Variants in SNX31 observed in about 807,000 individuals in gnomAD.
SNX31 encodes sorting nexin-31.
A neutral mutation model predicts 65.4 loss-of-function variants in SNX31; 58 were observed. That is an observed-to-expected ratio of 0.89 (90% CI 0.72 to 1.10). SNX31 has a LOEUF of 1.10. Among genes scored for constraint, SNX31 ranks in the 50% least tolerant of loss-of-function variants. The pLI is 0.00. For synonymous variants in SNX31, 181 were observed against 190.1 expected (o/e 0.95, Z 0.39); for missense variants, 523 against 529.7 (o/e 0.99, Z 0.12).
At chr8:100,621,982 A>C (rs1817730761) in intron 4 of SNX31, among the ~76,000 whole-genome samples, 2 of 152,252 alleles carry the variant, frequency 1.3e-5, no homozygotes, top group South Asian at 4.1e-4. Context: ...TGTAGAGAAG[A>C]GCAGGGTTTG....
chr8:100,618,525 G>T lies in SNX31; in HGVS notation c.322-795C>A, dbSNP rs768028482. ...TTGGAGTTGGCATCAGATCCCTCAC[G>T]TTTAAGGGCTCAGCTCCACAAGACT... On this transcript the variant is annotated intron_variant, in intron 4 of 13. Coordinates refer to ENST00000311812, the MANE Select transcript of SNX31 (RefSeq NM_152628.4). 7 of 600,218 alleles carry T rather than the reference G, an allele frequency of 1.2e-5. No homozygotes were observed. In the East Asian group the frequency reaches 2.0e-4, roughly 17 times the overall value. The allele number at this position is 600,218 out of a possible 1,614,324, so 37.2% of individuals were successfully genotyped here. A position where few individuals can be genotyped will look rare whatever the true frequency, so the allele number is the denominator to read the frequency against.
chr8:100,574,359 C>T (rs913062800), intron 13 of SNX31, among the ~76,000 whole-genome samples: 4 of 152,220 alleles, frequency 2.6e-5, no homozygotes, highest in Admixed American at 6.5e-5. Flanking sequence ...GGCGGCCAGG[C>T]GCAGTGGCTC....
chr8:100,616,351 C>T (rs1229197796), intron 5 of SNX31, among the ~76,000 whole-genome samples: 3 of 152,126 alleles, frequency 2.0e-5, no homozygotes, highest in Non-Finnish European at 2.9e-5. Context: ...GGCAGGTGCT[C>T]TCTCCTGTTC....
At chr8:100,641,860 C>CCT (rs1480012774) in intron 2 of SNX31, among the ~76,000 whole-genome samples, 21 of 150,416 alleles carry the variant, frequency 1.4e-4, no homozygotes, top group African/African-American at 4.9e-4. Flanking sequence ...GGGCGGATCA[C>CCT]GAGGTCAGGA....
chr8:100,636,080 T>C (rs2155881), intron 2 of SNX31, 69 bp from the exon 3 acceptor site: 365,410 of 1,136,936 alleles, frequency 0.32, 63,367 homozygotes, highest in African/African-American at 0.6. Flanking sequence ...ATTACTAAAG[T>C]CTCCTTTAGG....
At position 100,625,904 on chromosome 8, in the gene SNX31, G is replaced by C. The variant is rs16898652; in HGVS notation, c.321+4423C>G. Reference sequence around the variant, plus strand: ...TCTCAGCATGGCTGGGGAAAGAAAAGGGACTGGCATTAAGATTTTGCTTTT... The same window carrying C: ...TCTCAGCATGGCTGGGGAAAGAAAACGGACTGGCATTAAGATTTTGCTTTT... On this transcript the variant is annotated intron_variant, in intron 4 of 13. Transcript: ENST00000311812. This position sits in a 1 kb window ranked among gnomAD's most constrained non-coding sequence, Gnocchi z 4.2. Among the ~76,000 whole-genome samples, 19,763 of 152,150 alleles carry C rather than the reference G, an allele frequency of 0.13. 1,436 individuals are homozygous for C. Among genetic ancestry groups the C allele is most frequent in the South Asian group, 0.19 (909 of 4,814 alleles).
At position 100,629,645 on chromosome 8, in the gene SNX31, C is replaced by A. The variant is rs965905051; in HGVS notation, c.321+682G>T. ...CCAGTTAACTAGTATCATATTACTG[C>A]GGAACTTAAATTCTTTCAGAGCTTT... On this transcript the variant is annotated intron_variant, in intron 4 of 13. Coordinates refer to ENST00000311812, the MANE Select transcript of SNX31 (RefSeq NM_152628.4). This position sits in a 1 kb window ranked among gnomAD's most constrained non-coding sequence, Gnocchi z 5.1. 6.6e-6 allele frequency among the ~76,000 whole-genome samples: 1 copy of A among 152,204 alleles called. No homozygotes were observed. Among genetic ancestry groups the A allele is most frequent in the African/African-American group, 2.4e-5 (1 of 41,454 alleles).
In SNX31 at chr8:100,576,882, C is replaced by T; in HGVS notation, c.1227+137G>A. 1 of 707,896 alleles carries T rather than the reference C, an allele frequency of 1.4e-6. No individual in the cohort carries two copies. 43.9% of individuals were successfully genotyped at this position (707,896 alleles called of 1,614,324 possible). A position where few individuals can be genotyped will look rare whatever the true frequency, so the allele number is the denominator to read the frequency against. On this transcript the variant is annotated intron_variant, in intron 13 of 13. Transcript: ENST00000311812. The surrounding 1 kb of genome is among the most constrained non-coding windows in gnomAD (Gnocchi z 4.8). ...ACTTCTGTGATGGCCTTCCAATTGG[C>T]CCAATCTACAAAGAGGAGCTTCTGA... is the stretch of plus-strand genomic sequence containing the variant.
rs1264538391 is a variant in SNX31 at position 100,630,280 on chromosome 8, G to A, written c.321+47C>T. The A allele has an allele frequency of 6.4e-7, 1 of 1,573,822 alleles. No homozygotes were observed. The highest frequency in any genetic ancestry group is 1.3e-5 in the African/African-American group (1 of 74,134). On this transcript the variant is annotated intron_variant, in intron 4 of 13. Coordinates refer to ENST00000311812, the MANE Select transcript of SNX31 (RefSeq NM_152628.4). This position sits in a 1 kb window ranked among gnomAD's most constrained non-coding sequence, Gnocchi z 5.3. The stretch of plus-strand genomic sequence containing the variant: ...TACCTGCACACTTGGTTCATGAAGA[G>A]TGTCCTGCAGAGGAATGATGGCCCC...
chr8:100,633,750 A>G (rs865997706), intron 3 of SNX31, among the ~76,000 whole-genome samples: 2 of 152,348 alleles, frequency 1.3e-5, no homozygotes, highest in South Asian at 4.1e-4. Context: ...AGATTCATAT[A>G]TACACATACA....
At chr8:100,651,895 G>A (rs115921245), upstream of SNX31, among the ~76,000 whole-genome samples, 2 of 152,226 alleles carry the variant, frequency 1.3e-5, no homozygotes, top group African/African-American at 2.4e-5. Context: ...TCTGCCTCTA[G>A]AGCCTGTGCT....
At chr8:100,617,898 G>A (rs1459249211) in intron 4 of SNX31, among the ~76,000 whole-genome samples, 168 bp from the exon 5 acceptor site, 1 of 151,614 alleles carries the variant, frequency 6.6e-6, no homozygotes, top group Non-Finnish European at 1.5e-5. Flanking sequence ...CCAAGTAGCT[G>A]GGATTACAGG....
chr8:100,638,552 T>A (rs2131234369), intron 2 of SNX31, among the ~76,000 whole-genome samples: 1 of 152,350 alleles, frequency 6.6e-6, no homozygotes, highest in African/African-American at 2.4e-5. Flanking sequence ...TGGTTGGTTG[T>A]TTGATTTTTA....
In SNX31 at chr8:100,612,234, C is replaced by T. The variant is rs1816776196; in HGVS notation, c.524-147G>A. On this transcript the variant is annotated intron_variant, in intron 6 of 13. Coordinates refer to ENST00000311812, the MANE Select transcript of SNX31 (RefSeq NM_152628.4). The surrounding 1 kb of genome is among the most constrained non-coding windows in gnomAD (Gnocchi z 4.3). ...CCTCTGTATTTACACGTAATTTTAA[C>T]TTTCTGAAGTTCATTCAAAAAATAA... 1.2e-5 allele frequency: 7 copies of T among 589,144 alleles called. No individual in the cohort carries two copies. The East Asian group carries it at 2.0e-4, about 17-fold the overall frequency. 36.5% of individuals were successfully genotyped at this position (589,144 alleles called of 1,614,324 possible).
chr8:100,618,044 G>T (rs1238586677), intron 4 of SNX31: 1 of 983,142 alleles, frequency 1.0e-6, no homozygotes, highest in Non-Finnish European at 1.2e-6. Flanking sequence ...GGGATTACAG[G>T]CCTGAGCCAC....
intron 2 of SNX31, among the ~76,000 whole-genome samples, chr8:100,640,786 C>T (rs1819116102): frequency 6.6e-6 from 1 of 151,848 alleles, no homozygotes; most frequent in Non-Finnish European, 1.5e-5. Context: ...TCAGAATTAT[C>T]AAGGTCATTA....
intron 7 of SNX31, among the ~76,000 whole-genome samples, chr8:100,611,213 T>C (rs571125097): frequency 3.9e-5 from 6 of 152,284 alleles, no homozygotes; most frequent in African/African-American, 1.4e-4. Context: ...CCCTTCACCT[T>C]CAGGGAATAC....
intron 11 of SNX31, among the ~76,000 whole-genome samples, chr8:100,587,492 C>T (rs1292031236): frequency 6.6e-6 from 1 of 152,020 alleles, no homozygotes; most frequent in Non-Finnish European, 1.5e-5. Context: ...TGATTAGCTA[C>T]CCTGAACACA....
At chr8:100,632,232 C>T (rs560307457) in intron 3 of SNX31, among the ~76,000 whole-genome samples, 240 of 152,208 alleles carry the variant, frequency 1.6e-3, no homozygotes, top group South Asian at 2.5e-3. Context: ...CCTGGAAAAG[C>T]GAACCCTCAA....
Sources: allele counts gnomAD v4.1 joint callset (sites outside exome capture counted in the v4.1 genomes callset), GRCh38; gene constraint gnomAD v4.1.1; non-coding constraint Gnocchi (gnomAD v3.1); transcripts MANE v1.5; gene names NCBI Gene and HGNC (gene_info 2026-07-23, HGNC 2026-07-21).